The following TCF12 variants were observed in gnomAD, a reference collection of about 807,000 sequenced individuals.
TCF12 encodes DNA-binding protein HTF4.
In TCF12, 45 loss-of-function variants were observed where a neutral mutation model predicts 86.0. That is an observed-to-expected ratio of 0.52 (90% CI 0.41 to 0.67). The LOEUF is 0.67. TCF12 is among the 30% of genes least tolerant of loss of function. TCF12 has a pLI of 0.00. For synonymous variants in TCF12, 330 were observed against 299.6 expected, an observed-to-expected ratio of 1.10 and a Z score of -1.05; for missense variants, 881 against 859.9, an observed-to-expected ratio of 1.02 and a Z score of -0.31.
chr15:57,030,148 GATTA>G (rs143703702), intron 3 of TCF12, among the ~76,000 whole-genome samples: 2,081 of 152,116 alleles, frequency 0.014, 54 homozygotes, highest in African/African-American at 0.044. Flanking sequence ...TTGCTTTATT[GATTA>G]ATTAATTGAT....
chr15:57,068,015 G>A (rs1297138480), intron 4 of TCF12, among the ~76,000 whole-genome samples: 1 of 152,084 alleles, frequency 6.6e-6, no homozygotes, highest in Non-Finnish European at 1.5e-5. Context: ...GTTCACTAAG[G>A]TGTTAATGAC....
At chr15:57,199,033 T>C (rs1180884001) in intron 8 of TCF12, among the ~76,000 whole-genome samples, 1 of 152,202 alleles carries the variant, frequency 6.6e-6, no homozygotes, top group Non-Finnish European at 1.5e-5. Flanking sequence ...CTGAGTTTTA[T>C]GCAGCCTAGG....
rs993750465 is a variant in TCF12 at position 57,047,062 on chromosome 15, G to A, written c.149-16688G>A. On this transcript the variant is annotated intron_variant, in intron 3 of 20. Transcript: ENST00000333725. The stretch of plus-strand genomic sequence containing the variant: ...AGTTCTTTAGTTTGAAAGTTTTAAA[G>A]GGAGGAACATGGCTAATTCAGCTAA... Among the ~76,000 whole-genome samples, 17 of 152,150 alleles carry A rather than the reference G, an allele frequency of 1.1e-4. 1 individual carries two copies. Among genetic ancestry groups the A allele is most frequent in the Non-Finnish European group, 2.2e-4 (15 of 68,030 alleles).
At position 57,008,095 on chromosome 15, in the gene TCF12, G is replaced by A. The variant is rs1159766233; in HGVS notation, c.149-55655G>A. 4.0e-5 allele frequency among the ~76,000 whole-genome samples: 6 copies of A among 151,010 alleles called. No individual in the cohort carries two copies. In the East Asian group the frequency reaches 1.2e-3, roughly 29 times the overall value. On this transcript the variant is annotated intron_variant, in intron 3 of 20. Coordinates refer to ENST00000333725, the MANE Select transcript of TCF12 (RefSeq NM_207037.2). ...CATGCTTTTGCCTCTTGAGTAGCTG[G>A]GACTACAGGCACATGCCACCAGGCC...
chr15:57,270,346 C>A (rs1223787100), intron 18 of TCF12, among the ~76,000 whole-genome samples: 2 of 152,142 alleles, frequency 1.3e-5, no homozygotes, highest in Admixed American at 6.5e-5. Flanking sequence ...TGCTTGATCG[C>A]ATCAGCTATT....
At chr15:57,117,497 CTTT>C (rs1468014557) in intron 5 of TCF12, among the ~76,000 whole-genome samples, 2 of 152,188 alleles carry the variant, frequency 1.3e-5, no homozygotes, top group Admixed American at 6.5e-5. Context: ...AGCAAAACTT[CTTT>C]GTTACTGTGG....
intron 5 of TCF12, among the ~76,000 whole-genome samples, chr15:57,136,742 C>G (rs766770299): frequency 1.3e-5 from 2 of 152,010 alleles, no homozygotes; most frequent in Non-Finnish European, 2.9e-5. Context: ...GTGTTGCTAT[C>G]ATGCCTTATG....
At chr15:57,052,354 A>G (rs1213061391) in intron 3 of TCF12, among the ~76,000 whole-genome samples, 3 of 152,092 alleles carry the variant, frequency 2.0e-5, no homozygotes, top group Non-Finnish European at 4.4e-5. Flanking sequence ...GATAAGTAAA[A>G]AACTATAGCT....
chr15:57,169,797 C>T (rs900966186), intron 6 of TCF12, among the ~76,000 whole-genome samples: 4 of 152,032 alleles, frequency 2.6e-5, no homozygotes, highest in African/African-American at 9.7e-5. Context: ...TTTTCACTTA[C>T]GTATTTATAC....
intron 6 of TCF12, among the ~76,000 whole-genome samples, chr15:57,172,129 A>C (rs1286083405): frequency 6.6e-6 from 1 of 152,094 alleles, no homozygotes; most frequent in Non-Finnish European, 1.5e-5. Context: ...GTTATACCCA[A>C]TCTCATATGC....
intron 13 of TCF12, 149 bp downstream of exon 13, chr15:57,243,699 G>T: frequency 1.6e-6 from 1 of 620,682 alleles, no homozygotes; most frequent in Non-Finnish European, 2.8e-6. Context: ...CCTTCCTCTT[G>T]AATTCATTTT....
rs2062019773 is a variant in TCF12, at chr15:57,288,991, T to C, written c.*2846T>C. On this transcript the variant is annotated 3_prime_UTR_variant, in exon 21 of 21. Transcript: ENST00000333725. ...TCAAAAATTTGCTTTTATCCCAGTT[T>C]TTAACCACAAAAAAAAGCGTAGGGA... 1 of 120,220 alleles carries C rather than the reference T, an allele frequency of 8.3e-6. No homozygotes were observed. Among genetic ancestry groups the C allele is most frequent in the Admixed American group, 8.0e-5 (1 of 12,482 alleles). The allele number at this position is 120,220 out of a possible 1,614,324, so 7.4% of individuals were successfully genotyped here.
intron 5 of TCF12, among the ~76,000 whole-genome samples, chr15:57,144,769 T>A (rs1596800415): frequency 6.6e-6 from 1 of 152,184 alleles, no homozygotes; most frequent in East Asian, 1.9e-4. Context: ...CAGCTAACTT[T>A]TTTGAATTTT....
intron 17 of TCF12, among the ~76,000 whole-genome samples, chr15:57,262,677 A>G (rs1413198110): frequency 2.0e-5 from 3 of 152,224 alleles, no homozygotes; most frequent in Non-Finnish European, 4.4e-5. Flanking sequence ...GTGTGAAGAT[A>G]GAGCACTTGA....
chr15:57,212,282 T>A (rs988686794), intron 8 of TCF12, among the ~76,000 whole-genome samples: 16 of 140,718 alleles, frequency 1.1e-4, no homozygotes, highest in African/African-American at 3.7e-4. Context: ...TTTGTTCATT[T>A]GTTGTTGTTG....
intron 3 of TCF12, among the ~76,000 whole-genome samples, chr15:56,982,713 A>G (rs2062953987): frequency 6.6e-6 from 1 of 152,246 alleles, no homozygotes; most frequent in South Asian, 2.1e-4. Flanking sequence ...TAGATTAAAT[A>G]GAATCTTCTC....
intron 5 of TCF12, among the ~76,000 whole-genome samples, chr15:57,121,371 A>G (rs983564594): frequency 2.6e-5 from 4 of 152,204 alleles, no homozygotes; most frequent in African/African-American, 2.4e-5. Flanking sequence ...AGTGTTTGCC[A>G]TGGTTTGAAT....
At chr15:57,060,318 G>A (rs1454217642) in intron 3 of TCF12, among the ~76,000 whole-genome samples, 1 of 152,152 alleles carries the variant, frequency 6.6e-6, no homozygotes, top group African/African-American at 2.4e-5. Flanking sequence ...AGTTAAAACA[G>A]CATGCTTTTA....
At chr15:56,935,460 G>A (rs973002314) in intron 3 of TCF12, among the ~76,000 whole-genome samples, 33 of 151,964 alleles carry the variant, frequency 2.2e-4, no homozygotes, top group Admixed American at 1.4e-3. Flanking sequence ...GCCCTTTGGT[G>A]TCTCTCTTTT....
Sources: gnomAD v4.1 joint callset for allele counts (sites outside exome capture counted in the v4.1 genomes callset) on GRCh38, gnomAD v4.1.1 for gene constraint, MANE v1.5 for transcripts, NCBI Gene and HGNC (gene_info 2026-07-23, HGNC 2026-07-21) for gene names.